PDIA3: variants seen among roughly 807,000 people sequenced by gnomAD.
PDIA3 encodes the protein protein disulfide-isomerase A3.
PDIA3 carries 16 observed loss-of-function variants against 56.9 expected under a neutral mutation model. That is an observed-to-expected ratio of 0.28 (90% confidence interval 0.19 to 0.43). The LOEUF (loss-of-function observed/expected upper bound fraction) is 0.43, where lower values mean the gene tolerates loss of function less well. Ranked by LOEUF, PDIA3 falls within the 20% of genes least tolerant of loss-of-function variation. The pLI, the probability that PDIA3 is intolerant of heterozygous loss-of-function variation, is 1.00. For synonymous variants in PDIA3, 192 were observed against 216.5 expected (o/e 0.89, Z 0.99); for missense variants, 485 against 621.3 (o/e 0.78, Z 2.33).
intron 5 of PDIA3, 70 bp from the exon 6 acceptor site, chr15:43,765,380 C>CAA (rs34708362): frequency 2.6e-4 from 183 of 703,722 alleles, no homozygotes; most frequent in Non-Finnish European, 3.3e-4. Context: ...AACCCTATCT[C>CAA]AAAAAAAAAA....
intron 5 of PDIA3, among the ~76,000 whole-genome samples, chr15:43,763,533 A>G (rs1462854005): frequency 6.6e-6 from 1 of 152,138 alleles, no homozygotes; most frequent in Admixed American, 6.6e-5. Flanking sequence ...GATTACAGGC[A>G]TGAGCCACCG....
intron 1 of PDIA3, among the ~76,000 whole-genome samples, chr15:43,747,417 A>T (rs1379697466): frequency 6.6e-6 from 1 of 152,242 alleles, no homozygotes; most frequent in Non-Finnish European, 1.5e-5. Flanking sequence ...GAAAATAACC[A>T]ATATTGATTA....
At chr15:43,754,999 G>A (rs1260845335) in intron 2 of PDIA3, among the ~76,000 whole-genome samples, 1 of 151,802 alleles carries the variant, frequency 6.6e-6, no homozygotes, top group African/African-American at 2.4e-5. Flanking sequence ...AAGAATTAAA[G>A]ATGGAAAGCA....
At chr15:43,763,766 TTTC>T (rs891147500) in intron 5 of PDIA3, among the ~76,000 whole-genome samples, 3 of 151,938 alleles carry the variant, frequency 2.0e-5, no homozygotes, top group Non-Finnish European at 4.4e-5. Flanking sequence ...GGAGTGTTTT[TTTC>T]TTCTTATGGG....
rs2086707823 is a variant in PDIA3, at chr15:43,746,684, C to T, written c.145C>T (p.Leu49Phe). 2 of 1,612,950 alleles carry T rather than the reference C, an allele frequency of 1.2e-6. No individual in the cohort carries two copies. Among genetic ancestry groups the T allele is most frequent in the Non-Finnish European group, 8.5e-7 (1 of 1,179,894 alleles). Residue 49 changes from leucine to phenylalanine, a missense_variant, in exon 1 of 13, where the codon CTC becomes TTC. Leu to Phe is a conservative substitution (Grantham distance 22, BLOSUM62 0). Transcript: ENST00000300289. ...CGACACGGGCTCTGCGGGCCTCATG[C>T]TCGTCGAGTTCTTCGCCCCCTGGTG... is the stretch of plus-strand genomic sequence containing the variant. Reference protein sequence around the residue: ...ISDTGSAGLMLVEFFAPWCGH... With the variant: ...ISDTGSAGLMFVEFFAPWCGH...
At chr15:43,755,932 T>A (rs2086776049) in intron 2 of PDIA3, among the ~76,000 whole-genome samples, 1 of 151,178 alleles carries the variant, frequency 6.6e-6, no homozygotes, top group Admixed American at 6.6e-5. Flanking sequence ...AAAAAAAAAA[T>A]TCAATCACAA....
At chr15:43,766,077 C>G in intron 7 of PDIA3, 65 bp downstream of exon 7, 1 of 1,376,672 alleles carries the variant, frequency 7.3e-7, no homozygotes, top group Non-Finnish European at 1.0e-6. Context: ...TCCCTTCTAA[C>G]TATCTTGTTG....
Position 43,768,603 on chromosome 15 carries a change from G to T in PDIA3, c.1137+6G>T. 6.4e-7 allele frequency: 1 copy of T among 1,562,732 alleles called. No homozygotes were observed. Among genetic ancestry groups the T allele is most frequent in the Admixed American group, 1.7e-5 (1 of 59,946 alleles). ...GCAATGATGGGCCTGTGAAGGTGAG[G>T]TGCTCACAGCCTCATCAAGCTATGA... On this transcript the variant is annotated splice_donor_region_variant and intron_variant, in intron 9 of 12. Transcript: ENST00000300289.
chr15:43,750,754 G>A (rs981783180), intron 1 of PDIA3, among the ~76,000 whole-genome samples: 3 of 150,904 alleles, frequency 2.0e-5, no homozygotes, highest in African/African-American at 7.3e-5. Flanking sequence ...CAGCCTGGGC[G>A]ACAGCGAGAC....
intron 5 of PDIA3, 36 bp downstream of exon 5, chr15:43,763,242 AT>A: frequency 6.2e-7 from 1 of 1,606,470 alleles, no homozygotes; most frequent in Non-Finnish European, 8.5e-7. Context: ...ACCAAGTATT[AT>A]TGTGTGAACT....
intron 12 of PDIA3, 128 bp downstream of exon 12, chr15:43,770,708 G>A (rs1229976224): frequency 1.4e-6 from 1 of 698,106 alleles, no homozygotes; most frequent in Non-Finnish European, 2.4e-6. Flanking sequence ...CGCTCTTGTT[G>A]CCTGGGCTGG....
In PDIA3 at chr15:43,756,693, C is replaced by T; in HGVS notation, c.291C>T (p.Val97=). Reference sequence around the variant, plus strand: ...CTAACACCTGTAATAAATATGGAGTCAGTGGATATCCAACCCTGAAGATAT... The same window carrying T: ...CTAACACCTGTAATAAATATGGAGTTAGTGGATATCCAACCCTGAAGATAT... The part of the protein sequence containing the change: ...ANTNTCNKYG[V]SGYPTLKIFR... The change falls in exon 3 of 13, where the codon GTC becomes GTT. Residue 97 remains valine (V), a synonymous_variant. Transcript: ENST00000300289. 1 of 1,609,196 alleles carries T rather than the reference C, an allele frequency of 6.2e-7. No homozygotes were observed. Among genetic ancestry groups the T allele is most frequent in the Non-Finnish European group, 8.5e-7 (1 of 1,177,310 alleles).
At position 43,757,287 on chromosome 15, in the gene PDIA3, G is replaced by A. The variant is rs140559524; in HGVS notation, c.364+521G>A. 4.4e-3 allele frequency among the ~76,000 whole-genome samples: 670 copies of A among 152,206 alleles called. 6 individuals are homozygous for A. The highest frequency in any genetic ancestry group is 0.015 in the African/African-American group (638 of 41,520). ...AAAAGTTTGGGCCGGGGCCGGGTGC[G>A]GTGGCTCACGCCTGTAATCCCAGCA... On this transcript the variant is annotated intron_variant, in intron 3 of 12. Transcript: ENST00000300289.
intron 1 of PDIA3, among the ~76,000 whole-genome samples, chr15:43,748,972 T>C (rs1169916277): frequency 6.6e-6 from 1 of 152,106 alleles, no homozygotes; most frequent in Non-Finnish European, 1.5e-5. Context: ...GGTTTCACCA[T>C]GTTGGCCAGG....
chr15:43,760,297 G>A (rs142559030), intron 3 of PDIA3, among the ~76,000 whole-genome samples: 12 of 151,364 alleles, frequency 7.9e-5, no homozygotes, highest in Admixed American at 3.3e-4. Context: ...AGACTGAGGC[G>A]AGAGGTCTGA....
rs1432098795 is a variant in PDIA3 at position 43,746,594 on chromosome 15, G to A, written c.55G>A (p.Ala19Thr). 1 of 1,611,446 alleles carries A rather than the reference G, an allele frequency of 6.2e-7. No homozygotes were observed. The highest frequency in any genetic ancestry group is 1.3e-5 in the African/African-American group (1 of 74,922). ...FPGVALLLAA[A>T]RLAAASDVLE... is the part of the protein sequence containing the mutation. ...GGGTGTGGCGCTGCTTCTTGCCGCG[G>A]CCCGCCTCGCCGCTGCCTCCGACGT... is the stretch of plus-strand genomic sequence containing the variant. Residue 19 changes from alanine (A) to threonine (T), a missense_variant, in exon 1 of 13, where the codon GCC becomes ACC. By Grantham distance (58) the Ala-to-Thr change is moderately conservative (BLOSUM62 0). Coordinates refer to ENST00000300289, the MANE Select transcript of PDIA3 (RefSeq NM_005313.5).
chr15:43,766,639 T>A, intron 7 of PDIA3, 89 bp from the exon 8 acceptor site: 1 of 995,524 alleles, frequency 1.0e-6, no homozygotes, highest in Admixed American at 2.3e-5. Context: ...TAGAACTTAG[T>A]CTTTGCTTTC....
At chr15:43,752,811 C>G (rs561785477) in intron 1 of PDIA3, 264 of 471,106 alleles carry the variant, frequency 5.6e-4, no homozygotes, top group Middle Eastern at 1.3e-3. Flanking sequence ...GGTTACAGAA[C>G]TCACCTTCTC....
chr15:43,768,850 C>T (rs1164909524), intron 9 of PDIA3, among the ~76,000 whole-genome samples: 8 of 151,922 alleles, frequency 5.3e-5, no homozygotes, highest in South Asian at 2.1e-4. Context: ...GGTGAAACCC[C>T]GTATCTACTA....
Sources: allele counts gnomAD v4.1 joint callset (sites outside exome capture counted in the v4.1 genomes callset), GRCh38; gene constraint gnomAD v4.1.1; transcripts MANE v1.5; gene names NCBI Gene and HGNC (gene_info 2026-07-23, HGNC 2026-07-21).